Variants in HTT observed in about 807,000 individuals in gnomAD.
HTT encodes the protein huntingtin.
Under a neutral mutation model 362.3 loss-of-function variants are expected in HTT, and 104 were observed. That is an observed-to-expected ratio of 0.29 (90% CI 0.24 to 0.34). HTT has a LOEUF of 0.34. Ranked by LOEUF, HTT falls within the 10% of genes least tolerant of loss-of-function variation. The pLI, the probability that HTT is intolerant of heterozygous loss-of-function variation, is 1.00. For synonymous variants in HTT, 1,577 were observed against 1,548.7 expected (o/e 1.02, Z -0.43); for missense variants, 3,301 against 3,928.6 (o/e 0.84, Z 4.27).
Position 3,228,952 on chromosome 4 carries a change from G to C in HTT, c.8052G>C (p.Leu2684=). ...FLLELYSRWI[L]PSSSARRTPA... is the part of the protein sequence containing the mutation. Reference sequence around the variant, plus strand: ...TTGAGTTGTACAGCCGCTGGATCCTGCCGTCCAGCTCAGCCAGGAGGACCC... The same window carrying C: ...TTGAGTTGTACAGCCGCTGGATCCTCCCGTCCAGCTCAGCCAGGAGGACCC... The change falls in exon 59 of 67, where the codon CTG becomes CTC. Residue 2684 remains leucine (L), a synonymous_variant. Coordinates refer to ENST00000355072, the MANE Select transcript of HTT (RefSeq NM_001388492.1). This position sits in a 1 kb window ranked among gnomAD's most constrained non-coding sequence, Gnocchi z 4.3. 6.2e-7 allele frequency: 1 copy of C among 1,613,650 alleles called. No homozygotes were observed. Among genetic ancestry groups the C allele is most frequent in the South Asian group, 1.1e-5 (1 of 91,072 alleles).
chr4:3,116,703 G>A (rs1183560348), intron 8 of HTT, among the ~76,000 whole-genome samples: 1 of 152,206 alleles, frequency 6.6e-6, no homozygotes, highest in Non-Finnish European at 1.5e-5. Context: ...GCTCACTCAA[G>A]GAGATAGGGA....
intron 35 of HTT, among the ~76,000 whole-genome samples, chr4:3,179,925 G>A (rs1247660096): frequency 6.6e-6 from 1 of 151,628 alleles, no homozygotes; most frequent in Non-Finnish European, 1.5e-5. Context: ...TCATGACATT[G>A]AGGGTCAGAG....
At chr4:3,078,624 A>G (rs1247423248) in intron 1 of HTT, among the ~76,000 whole-genome samples, 2 of 151,992 alleles carry the variant, frequency 1.3e-5, no homozygotes, top group Non-Finnish European at 2.9e-5. Context: ...GCTGGAGTGC[A>G]CTAGTGTGAT....
Position 3,220,172 on chromosome 4 carries a change from ATCT to A in HTT, c.7243-6_7243-4del. On this transcript the variant is annotated splice_polypyrimidine_tract_variant and splice_region_variant and intron_variant, in intron 52 of 66. Coordinates refer to ENST00000355072, the MANE Select transcript of HTT (RefSeq NM_001388492.1). ...ACTCGGATGATGTCACTTCCTTTTC[ATCT>A]TCTCAGGTGTGGAAGCTTGGATGGT... is the stretch of plus-strand genomic sequence containing the variant. 1 of 1,613,978 alleles carries A rather than the reference ATCT, an allele frequency of 6.2e-7. No individual in the cohort carries two copies. Among genetic ancestry groups the A allele is most frequent in the Non-Finnish European group, 8.5e-7 (1 of 1,179,924 alleles).
chr4:3,177,776 A>T (rs994925990), intron 34 of HTT, among the ~76,000 whole-genome samples: 1 of 152,242 alleles, frequency 6.6e-6, no homozygotes, highest in Admixed American at 6.5e-5. Context: ...TTCTTGCTAG[A>T]TGTTGAGGTT....
intron 1 of HTT, among the ~76,000 whole-genome samples, chr4:3,083,261 C>T (rs1713010819): frequency 6.6e-6 from 1 of 152,084 alleles, no homozygotes; most frequent in African/African-American, 2.4e-5. Flanking sequence ...TGGTTCATGC[C>T]TGTAATACCA....
At chr4:3,208,691 T>A in intron 45 of HTT, 82 bp from the exon 46 acceptor site, 1 of 1,306,462 alleles carries the variant, frequency 7.7e-7, no homozygotes, top group South Asian at 1.5e-5. Context: ...ATTTCTAGAA[T>A]CCTAGTGTGC....
chr4:3,135,703 A>AG (rs1389121942), intron 19 of HTT, among the ~76,000 whole-genome samples: 1 of 152,180 alleles, frequency 6.6e-6, no homozygotes. Context: ...CAGTTTACTG[A>AG]GTACTGTCTT....
intron 2 of HTT, among the ~76,000 whole-genome samples, chr4:3,094,376 C>G (rs976421155): frequency 6.6e-6 from 1 of 152,198 alleles, no homozygotes; most frequent in Non-Finnish European, 1.5e-5. Flanking sequence ...TCCTCCTTTT[C>G]TATTCGACAA....
chr4:3,091,054 G>A (rs1424688804), intron 2 of HTT, among the ~76,000 whole-genome samples: 1 of 152,262 alleles, frequency 6.6e-6, no homozygotes, highest in Non-Finnish European at 1.5e-5. Context: ...ACAGGTTGCG[G>A]TGAGCCTAGA....
intron 64 of HTT, 142 bp downstream of exon 64, chr4:3,236,396 C>A: frequency 1.4e-6 from 1 of 692,310 alleles, no homozygotes; most frequent in South Asian, 1.6e-5. Context: ...TGACCATGGG[C>A]TGCCTTGGCT....
At chr4:3,223,225 TC>T (rs1194555456) in intron 54 of HTT, among the ~76,000 whole-genome samples, 180 bp from the exon 55 acceptor site, 3 of 152,240 alleles carry the variant, frequency 2.0e-5, no homozygotes. Flanking sequence ...TCAGATTGTT[TC>T]AGGGCCCGTG....
intron 46 of HTT, among the ~76,000 whole-genome samples, 195 bp from the exon 47 acceptor site, chr4:3,209,632 G>T (rs1720044213): frequency 6.6e-6 from 1 of 152,186 alleles, no homozygotes; most frequent in Non-Finnish European, 1.5e-5. Context: ...CTGTGAGGGT[G>T]CCCAGGCAGG....
intron 52 of HTT, among the ~76,000 whole-genome samples, chr4:3,219,894 C>G (rs199695864): frequency 2.6e-5 from 4 of 152,216 alleles, no homozygotes; most frequent in Non-Finnish European, 5.9e-5. Flanking sequence ...GGTGCTGTCT[C>G]TAACTCCTGC....
chr4:3,145,312 T>C (rs1187125476), intron 24 of HTT, 84 bp downstream of exon 24: 3 of 971,218 alleles, frequency 3.1e-6, no homozygotes, highest in South Asian at 2.8e-5. Flanking sequence ...TTTTTCTTTC[T>C]TTTTAAGTCT....
chr4:3,170,112 A>G (rs1578556989), intron 29 of HTT, among the ~76,000 whole-genome samples: 3 of 152,016 alleles, frequency 2.0e-5, no homozygotes, highest in Non-Finnish European at 4.4e-5. Flanking sequence ...TATGGCTGCC[A>G]ATTTTTTATT....
chr4:3,091,218 A>G (rs1713489742), intron 2 of HTT, among the ~76,000 whole-genome samples: 1 of 152,224 alleles, frequency 6.6e-6, no homozygotes, highest in Non-Finnish European at 1.5e-5. Context: ...TAGAACAGAA[A>G]GAAGAGTGTA....
intron 1 of HTT, among the ~76,000 whole-genome samples, chr4:3,083,586 C>CAT (rs796776728): frequency 2.5e-4 from 30 of 118,654 alleles, no homozygotes; most frequent in Admixed American, 1.1e-3. Flanking sequence ...CACACACACA[C>CAT]ATATATATGT....
At chr4:3,129,709 T>C (rs1044669063) in intron 12 of HTT, 19 of 434,536 alleles carry the variant, frequency 4.4e-5, no homozygotes, top group African/African-American at 6.2e-5. Flanking sequence ...TTTTTAGAGC[T>C]AATAGAGCTT....
Sources: gnomAD v4.1 joint callset for allele counts (sites outside exome capture counted in the v4.1 genomes callset) on GRCh38, gnomAD v4.1.1 for gene constraint, Gnocchi (gnomAD v3.1) non-coding constraint, MANE v1.5 for transcripts, NCBI Gene and HGNC (gene_info 2026-07-23, HGNC 2026-07-21) for gene names.